Variants in SGK1 observed in about 807,000 individuals in gnomAD.
The protein encoded by SGK1 is serine/threonine-protein kinase Sgk1.
Under a neutral mutation model 64.2 loss-of-function variants are expected in SGK1, and 26 were observed. The observed-to-expected ratio is 0.40, with a 90% CI of 0.30 to 0.56. The LOEUF (loss-of-function observed/expected upper bound fraction) is 0.56, where lower values mean the gene tolerates loss of function less well. SGK1 is among the 20% of genes least tolerant of loss of function. The pLI is 0.38. For missense variants in SGK1, 519 were observed against 645.6 expected (o/e 0.80, Z 2.12); for synonymous variants, 265 against 239.7 (o/e 1.11, Z -0.98).
chr6:134,175,121 G>C (rs1006911180), intron 3 of SGK1, among the ~76,000 whole-genome samples: 1 of 152,116 alleles, frequency 6.6e-6, no homozygotes, highest in African/African-American at 2.4e-5. Context: ...TCCTGGGGCA[G>C]GAGAGAGAGA....
intron 2 of SGK1, among the ~76,000 whole-genome samples, chr6:134,224,477 T>C (rs1233777628): frequency 6.6e-6 from 1 of 152,186 alleles, no homozygotes; most frequent in Admixed American, 6.5e-5. Flanking sequence ...TCTTTGAGTG[T>C]TTCAAGAAGA....
At chr6:134,282,618 A>G (rs1777111855) in intron 1 of SGK1, among the ~76,000 whole-genome samples, 1 of 151,260 alleles carries the variant, frequency 6.6e-6, no homozygotes, top group African/African-American at 2.5e-5. Flanking sequence ...ACACCACCGC[A>G]CTCCAGCCTG....
At chr6:134,306,647 C>A (rs1418915343) in intron 1 of SGK1, among the ~76,000 whole-genome samples, 2 of 151,898 alleles carry the variant, frequency 1.3e-5, no homozygotes, top group Admixed American at 1.3e-4. Context: ...CCTCAGCCTC[C>A]TGAGTAGCTG....
At chr6:134,279,982 C>T (rs186327505) in intron 1 of SGK1, among the ~76,000 whole-genome samples, 1 of 152,052 alleles carries the variant, frequency 6.6e-6, no homozygotes, top group East Asian at 1.9e-4. Flanking sequence ...TTCTTGAGGC[C>T]AAGAGGTCGA....
chr6:134,268,357 G>A (rs1776885443), intron 1 of SGK1, among the ~76,000 whole-genome samples: 1 of 152,140 alleles, frequency 6.6e-6, no homozygotes, highest in African/African-American at 2.4e-5. Flanking sequence ...TTTATTCAGA[G>A]CTACACAACT....
At chr6:134,189,205 G>GTT (rs1554219561) in intron 3 of SGK1, among the ~76,000 whole-genome samples, 1 of 148,124 alleles carries the variant, frequency 6.8e-6, no homozygotes, top group Non-Finnish European at 1.5e-5. Flanking sequence ...CTTTTATACA[G>GTT]GTGTGTGTGT....
chr6:134,266,797 T>G (rs776476194), intron 1 of SGK1, among the ~76,000 whole-genome samples: 5 of 152,198 alleles, frequency 3.3e-5, no homozygotes, highest in Non-Finnish European at 7.3e-5. Context: ...ATAGAATGTA[T>G]CTTCTTAATG....
At chr6:134,245,139 T>A (rs895931804) in intron 2 of SGK1, among the ~76,000 whole-genome samples, 1 of 151,886 alleles carries the variant, frequency 6.6e-6, no homozygotes, top group Non-Finnish European at 1.5e-5. Context: ...GATGAGGTCT[T>A]GCTATGTTGC....
chr6:134,277,920 A>G (rs1054337691), intron 1 of SGK1, among the ~76,000 whole-genome samples: 6 of 152,352 alleles, frequency 3.9e-5, no homozygotes, highest in African/African-American at 1.4e-4. Flanking sequence ...AAGATATAAA[A>G]AGGGTTTTCT....
intron 1 of SGK1, among the ~76,000 whole-genome samples, chr6:134,312,804 A>G (rs1304758090): frequency 6.6e-6 from 1 of 151,570 alleles, no homozygotes; most frequent in African/African-American, 2.4e-5. Flanking sequence ...ATGGAGTCTC[A>G]CTCTGTCATC....
chr6:134,304,111 A>G (rs1777499192), intron 1 of SGK1, among the ~76,000 whole-genome samples: 1 of 152,184 alleles, frequency 6.6e-6, no homozygotes, highest in Non-Finnish European at 1.5e-5. Flanking sequence ...AGAGGCCAAT[A>G]GAGATGCACT....
chr6:134,224,341 C>T lies in SGK1; in HGVS notation c.286-16910G>A, dbSNP rs150514162. ...GGGAGAATGTCCAGGGAATGAAAAA[C>T]ATCTATATAACATGTGGAGAAGTGG... On this transcript the variant is annotated intron_variant, in intron 2 of 13. Coordinates refer to ENST00000367858, the MANE Select transcript of SGK1 (RefSeq NM_001143676.3). Among the ~76,000 whole-genome samples, 3 of 152,270 alleles carry T rather than the reference C, an allele frequency of 2.0e-5. No individual in the cohort carries two copies. The East Asian group carries it at 5.8e-4, about 29-fold the overall frequency.
Position 134,289,199 on chromosome 6 carries a change from C to A in SGK1, c.70-27051G>T, listed in dbSNP as rs182478573. On this transcript the variant is annotated intron_variant, in intron 1 of 13. Transcript: ENST00000367858. ...TAGGGGCTGGAAAAAACTCTGTCTC[C>A]CTTGTCTACCCATTTTCACTGTGGA... is the stretch of plus-strand genomic sequence containing the variant. 4.6e-5 allele frequency among the ~76,000 whole-genome samples: 7 copies of A among 152,302 alleles called. No homozygotes were observed. The East Asian group carries it at 9.6e-4, about 21-fold the overall frequency.
At chr6:134,266,239 C>T (rs1263930883) in intron 1 of SGK1, among the ~76,000 whole-genome samples, 1 of 152,050 alleles carries the variant, frequency 6.6e-6, no homozygotes, top group African/African-American at 2.4e-5. Context: ...CCCACCTCAG[C>T]CTCCCAAAGG....
At chr6:134,272,589 A>T (rs1315073406) in intron 1 of SGK1, among the ~76,000 whole-genome samples, 1 of 146,786 alleles carries the variant, frequency 6.8e-6, no homozygotes, top group African/African-American at 2.4e-5. Context: ...TCCTCTTTAC[A>T]CCCACAAACT....
intron 2 of SGK1, chr6:134,260,367 G>GTCCC (rs1491556165): frequency 3.5e-5 from 2 of 56,810 alleles, no homozygotes; most frequent in African/African-American, 5.7e-5. Context: ...CCCTGTCCCC[G>GTCCC]ACCCCCACCC....
At chr6:134,272,094 G>A (rs1350548885) in intron 1 of SGK1, among the ~76,000 whole-genome samples, 2 of 142,748 alleles carry the variant, frequency 1.4e-5, no homozygotes, top group Non-Finnish European at 3.1e-5. Flanking sequence ...TGCCTGCCTC[G>A]ACCTCCCAAA....
intron 2 of SGK1, chr6:134,259,970 T>C (rs564101470): frequency 3.3e-5 from 5 of 152,162 alleles, no homozygotes; most frequent in Non-Finnish European, 7.4e-5. Flanking sequence ...TCAGCAAACA[T>C]GAGCAATAAT....
At position 134,272,696 on chromosome 6, in the gene SGK1, T is replaced by C. The variant is rs115579561; in HGVS notation, c.70-10548A>G. On this transcript the variant is annotated intron_variant, in intron 1 of 13. Coordinates refer to ENST00000367858, the MANE Select transcript of SGK1 (RefSeq NM_001143676.3). Reference sequence around the variant, plus strand: ...AATCTCCATTTCCTCATCTCACATTTTCTCCTCAACCCATTTGCTCATTAA... The same window carrying C: ...AATCTCCATTTCCTCATCTCACATTCTCTCCTCAACCCATTTGCTCATTAA... Among the ~76,000 whole-genome samples the C allele has an allele frequency of 6.2e-3, 913 of 148,114 alleles. 40 individuals are homozygous for C. Among genetic ancestry groups the C allele is most frequent in the African/African-American group, 0.021 (846 of 41,268 alleles).
Sources: allele counts gnomAD v4.1 joint callset (sites outside exome capture counted in the v4.1 genomes callset), GRCh38; gene constraint gnomAD v4.1.1; transcripts MANE v1.5; gene names NCBI Gene and HGNC (gene_info 2026-07-23, HGNC 2026-07-21).